The following MCM5 variants were observed in gnomAD, a reference collection of about 807,000 sequenced individuals.
The protein encoded by MCM5 is minichromosome maintenance complex component 5, also known as DNA replication licensing factor MCM5.
Under a neutral mutation model 79.9 loss-of-function variants are expected in MCM5, and 46 were observed. The observed-to-expected ratio is 0.58, with a 90% CI of 0.45 to 0.74. The LOEUF (loss-of-function observed/expected upper bound fraction) is 0.74, where lower values mean the gene tolerates loss of function less well. Among genes scored for constraint, MCM5 ranks in the 30% least tolerant of loss-of-function variants. The probability of loss-of-function intolerance (pLI) is 0.00; values close to 1 mark genes in which losing one functional copy is unlikely to be tolerated. For synonymous variants in MCM5, 404 were observed against 390.5 expected, an observed-to-expected ratio of 1.03 and a Z score of -0.41; for missense variants, 883 against 1,017.0, an observed-to-expected ratio of 0.87 and a Z score of 1.79.
intron 5 of MCM5, among the ~76,000 whole-genome samples, 159 bp downstream of exon 5, chr22:35,406,884 GT>G (rs1932233822): frequency 1.3e-5 from 2 of 152,338 alleles, no homozygotes; most frequent in South Asian, 4.1e-4. Flanking sequence ...CTGATGCCCT[GT>G]GGCTCTGAGA....
chr22:35,409,261 C>A (rs1024201886), intron 6 of MCM5, among the ~76,000 whole-genome samples: 1 of 152,234 alleles, frequency 6.6e-6, no homozygotes, highest in Non-Finnish European at 1.5e-5. Flanking sequence ...CTGCGCCCAG[C>A]GTACCCCAGG....
chr22:35,419,549 C>T (rs1932640341), intron 13 of MCM5, among the ~76,000 whole-genome samples: 1 of 152,188 alleles, frequency 6.6e-6, no homozygotes, highest in Admixed American at 6.5e-5. Context: ...TGCCATTGTT[C>T]ATTACATGTA....
At chr22:35,423,591 G>T in intron 16 of MCM5, 1 of 348,398 alleles carries the variant, frequency 2.9e-6, no homozygotes, top group Non-Finnish European at 5.2e-6. Flanking sequence ...TTGGATTCTG[G>T]TGAAACCCCA....
chr22:35,421,127 C>CA (rs133430), intron 14 of MCM5, among the ~76,000 whole-genome samples, 191 bp from the exon 15 acceptor site: 8,943 of 88,430 alleles, frequency 0.1, 517 homozygotes, highest in Middle Eastern at 0.14. Context: ...GACTTTGTCT[C>CA]AAAAAAAAAA....
chr22:35,415,634 G>A (rs1932518296), intron 9 of MCM5, among the ~76,000 whole-genome samples, 195 bp from the exon 10 acceptor site: 1 of 152,246 alleles, frequency 6.6e-6, no homozygotes, highest in Admixed American at 6.5e-5. Context: ...GAACATCTGG[G>A]CACACCGAGG....
the MCM5 span, among the ~76,000 whole-genome samples, chr22:35,430,456 T>G: frequency 4.3e-3 from 653 of 151,954 alleles, 3 homozygotes; most frequent in Non-Finnish European, 6.2e-3. Flanking sequence ...TCTGAACACT[T>G]AATGCTGTGT....
At chr22:35,442,283 G>A in the MCM5 span, among the ~76,000 whole-genome samples, 3 of 151,448 alleles carry the variant, frequency 2.0e-5, no homozygotes, top group African/African-American at 4.8e-5. Context: ...GGGTTCCTCC[G>A]TCTGCGCTTC....
At position 35,400,426 on chromosome 22, in the gene MCM5, C is replaced by G. The variant is rs778068119; in HGVS notation, c.-8-5C>G. On this transcript the variant is annotated splice_polypyrimidine_tract_variant and splice_region_variant and intron_variant, in intron 1 of 16. Coordinates refer to ENST00000216122, the MANE Select transcript of MCM5 (RefSeq NM_006739.4). The stretch of plus-strand genomic sequence containing the variant: ...GCCTGTTCTGGCCGTTTGTTCCCAC[C>G]CCAGGCGCAGTCATGTCGGGATTCG... 6.2e-7 allele frequency: 1 copy of G among 1,613,904 alleles called. No individual in the cohort carries two copies. The highest frequency in any genetic ancestry group is 1.7e-5 in the Admixed American group (1 of 60,008).
At chr22:35,430,025 T>G (rs1932802434), downstream of MCM5, among the ~76,000 whole-genome samples, 2 of 152,214 alleles carry the variant, frequency 1.3e-5, no homozygotes, top group Non-Finnish European at 2.9e-5. Flanking sequence ...CAGGAGCCCC[T>G]TCAGCCCTAG....
chr22:35,437,764 G>C, the MCM5 span, among the ~76,000 whole-genome samples: 1 of 152,190 alleles, frequency 6.6e-6, no homozygotes, highest in Non-Finnish European at 1.5e-5. Flanking sequence ...CCAATTGTGA[G>C]AGTCACCTGG....
Position 35,405,324 on chromosome 22 carries a change from A to G in MCM5, c.424-1229A>G, listed in dbSNP as rs934495782. On this transcript the variant is annotated intron_variant, in intron 4 of 16. Transcript: ENST00000216122. ...TCTTTTGAAACAAGTCCCATACATC[A>G]TATAATTTGATCTGGAACTATTTCT... is the stretch of plus-strand genomic sequence containing the variant. Among the ~76,000 whole-genome samples, 5 of 151,688 alleles carry G rather than the reference A, an allele frequency of 3.3e-5. 1 individual carries two copies. The South Asian group carries it at 1.0e-3, about 32-fold the overall frequency.
the MCM5 span, among the ~76,000 whole-genome samples, chr22:35,446,974 T>TA: frequency 2.0e-5 from 3 of 152,156 alleles, no homozygotes; most frequent in Non-Finnish European, 4.4e-5. Context: ...GCATCACCTG[T>TA]ACCCTAAGGC....
intron 4 of MCM5, among the ~76,000 whole-genome samples, chr22:35,404,719 C>A (rs1268812109): frequency 6.6e-6 from 1 of 152,164 alleles, no homozygotes; most frequent in Non-Finnish European, 1.5e-5. Flanking sequence ...CTTCCCACAG[C>A]CTCTTCCTGC....
At chr22:35,405,872 A>G (rs543814131) in intron 4 of MCM5, among the ~76,000 whole-genome samples, 1 of 151,922 alleles carries the variant, frequency 6.6e-6, no homozygotes, top group East Asian at 2.0e-4. Flanking sequence ...TTAGCTGGAC[A>G]TGGTGGCAGT....
Position 35,415,980 on chromosome 22 carries a change from T to A in MCM5, c.1347+8T>A. On this transcript the variant is annotated splice_region_variant and intron_variant, in intron 10 of 16. Transcript: ENST00000216122. ...ATTGACGAGTTTGACAAGGTGAGTCTGATGAGGTGGGTAGTAGCCAAAAGG... is the reference window on the plus strand; with the variant it reads ...ATTGACGAGTTTGACAAGGTGAGTCAGATGAGGTGGGTAGTAGCCAAAAGG... 1 of 1,610,646 alleles carries A rather than the reference T, an allele frequency of 6.2e-7. No individual in the cohort carries two copies. Among genetic ancestry groups the A allele is most frequent in the Admixed American group, 1.7e-5 (1 of 59,960 alleles).
At position 35,417,873 on chromosome 22, in the gene MCM5, G is replaced by C; in HGVS notation, c.1703+17G>C. 1 of 1,591,358 alleles carries C rather than the reference G, an allele frequency of 6.3e-7. No individual in the cohort carries two copies. The highest frequency in any genetic ancestry group is 1.1e-5 in the South Asian group (1 of 90,580). ...CTGCCGAGTGTGAGTCCTGGACGCA[G>C]GCCCACGGGGGTGAGGTTGCCCAGC... On this transcript the variant is annotated intron_variant, in intron 13 of 16. Transcript: ENST00000216122.
chr22:35,414,608 G>A (rs1021333976), intron 9 of MCM5, among the ~76,000 whole-genome samples: 1 of 151,914 alleles, frequency 6.6e-6, no homozygotes, highest in African/African-American at 2.4e-5. Flanking sequence ...GACAGAGTGA[G>A]ACCATGTTTC....
chr22:35,433,553 T>C, the MCM5 span, among the ~76,000 whole-genome samples: 13 of 152,314 alleles, frequency 8.5e-5, no homozygotes, highest in African/African-American at 3.1e-4. Context: ...TCTCATTTCA[T>C]TGGGAATGCC....
chr22:35,452,325 G>T, the MCM5 span, among the ~76,000 whole-genome samples: 1 of 151,820 alleles, frequency 6.6e-6, no homozygotes, highest in African/African-American at 2.4e-5. Flanking sequence ...CCCTCTTTAT[G>T]GCAGATGTCA....
Sources: allele counts gnomAD v4.1 joint callset (sites outside exome capture counted in the v4.1 genomes callset), GRCh38; gene constraint gnomAD v4.1.1; transcripts MANE v1.5; gene names NCBI Gene and HGNC (gene_info 2026-07-23, HGNC 2026-07-21).